Variants in EEPD1 observed in about 807,000 individuals in gnomAD.
The protein encoded by EEPD1 is endonuclease/exonuclease/phosphatase family domain-containing protein 1.
In EEPD1, 17 loss-of-function variants were observed where a neutral mutation model predicts 46.3. The ratio of observed to expected loss-of-function variants is 0.37; its 90% CI spans 0.25 to 0.55. EEPD1 has a LOEUF of 0.55. EEPD1 is among the 20% of genes least tolerant of loss of function. The pLI is 0.83. For missense variants in EEPD1, 673 were observed against 745.6 expected (o/e 0.90, Z 1.13); for synonymous variants, 313 against 315.6 (o/e 0.99, Z 0.09).
intron 2 of EEPD1, among the ~76,000 whole-genome samples, chr7:36,159,725 T>C (rs1246032961): frequency 1.3e-5 from 2 of 152,230 alleles, no homozygotes. Context: ...GTGTCAGGCC[T>C]CTGGGGGCCT....
At chr7:36,259,226 C>G (rs1786875382) in intron 3 of EEPD1, among the ~76,000 whole-genome samples, 1 of 152,186 alleles carries the variant, frequency 6.6e-6, no homozygotes, top group African/African-American at 2.4e-5. Context: ...GTTGGAAATG[C>G]AGAAATCACT....
intron 2 of EEPD1, among the ~76,000 whole-genome samples, chr7:36,181,280 T>A (rs1489302239): frequency 6.6e-6 from 1 of 152,084 alleles, no homozygotes; most frequent in Non-Finnish European, 1.5e-5. Context: ...TCTGTTCCCT[T>A]TCACACTCGG....
chr7:36,197,106 A>G (rs6462661), intron 2 of EEPD1, among the ~76,000 whole-genome samples: 129,623 of 136,106 alleles, frequency 0.95, 61,843 homozygotes, highest in Non-Finnish European at 0.99. Context: ...CGGCCGCCCC[A>G]TCTGAGAAGT....
At chr7:36,259,289 G>A (rs1583469533) in intron 3 of EEPD1, among the ~76,000 whole-genome samples, 1 of 152,188 alleles carries the variant, frequency 6.6e-6, no homozygotes, top group East Asian at 1.9e-4. Context: ...GTTCCTATAT[G>A]GCCATCTTGC....
At chr7:36,180,212 C>T (rs377678453) in intron 2 of EEPD1, among the ~76,000 whole-genome samples, 13 of 152,284 alleles carry the variant, frequency 8.5e-5, no homozygotes, top group Admixed American at 3.3e-4. Context: ...GAAAGCGATG[C>T]GGGGGAAAGG....
intron 2 of EEPD1, among the ~76,000 whole-genome samples, chr7:36,161,717 C>T (rs1784903162): frequency 6.6e-6 from 1 of 152,036 alleles, no homozygotes; most frequent in African/African-American, 2.4e-5. Context: ...AAATGACCTT[C>T]CCCAGCCTGG....
At chr7:36,290,914 C>A (rs142987900) in intron 6 of EEPD1, among the ~76,000 whole-genome samples, 1 of 152,196 alleles carries the variant, frequency 6.6e-6, no homozygotes, top group Non-Finnish European at 1.5e-5. Context: ...CAGGCTCCTG[C>A]GCATCTACCT....
At chr7:36,287,440 A>T (rs1403049271) in intron 5 of EEPD1, 199 bp from the exon 6 acceptor site, 1 of 715,820 alleles carries the variant, frequency 1.4e-6, no homozygotes, top group Non-Finnish European at 2.2e-6. Flanking sequence ...GGTAGAACAA[A>T]ATAGGCCTTG....
intron 2 of EEPD1, among the ~76,000 whole-genome samples, chr7:36,230,288 C>T (rs1750476706): frequency 6.6e-6 from 1 of 151,676 alleles, no homozygotes; most frequent in African/African-American, 2.4e-5. Flanking sequence ...CCATTCTCAA[C>T]ACCATGGCCA....
At chr7:36,177,536 C>T (rs190908737) in intron 2 of EEPD1, among the ~76,000 whole-genome samples, 15 of 152,222 alleles carry the variant, frequency 9.9e-5, no homozygotes, top group African/African-American at 3.4e-4. Flanking sequence ...TCTGTTCCTG[C>T]GTTAATTCAC....
intron 2 of EEPD1, among the ~76,000 whole-genome samples, chr7:36,182,354 A>G (rs1226431825): frequency 1.3e-5 from 2 of 152,264 alleles, no homozygotes; most frequent in African/African-American, 4.8e-5. Flanking sequence ...CGTAGACACC[A>G]AAGAGCCAAC....
intron 3 of EEPD1, among the ~76,000 whole-genome samples, chr7:36,244,550 G>A (rs886948289): frequency 2.0e-5 from 3 of 152,042 alleles, no homozygotes; most frequent in South Asian, 2.1e-4. Context: ...ATTTTTAGAC[G>A]TGCCAAGGTT....
intron 3 of EEPD1, among the ~76,000 whole-genome samples, chr7:36,270,874 C>T (rs563115246): frequency 8.5e-5 from 13 of 152,288 alleles, no homozygotes; most frequent in South Asian, 4.1e-4. Flanking sequence ...CTTGAGGAAT[C>T]GCCACACTGT....
chr7:36,165,241 A>G (rs1784963235), intron 2 of EEPD1, among the ~76,000 whole-genome samples: 1 of 152,050 alleles, frequency 6.6e-6, no homozygotes, highest in Non-Finnish European at 1.5e-5. Flanking sequence ...CTGTATTTGT[A>G]CTGTACTTCT....
chr7:36,265,022 T>C (rs2115837267), intron 3 of EEPD1, among the ~76,000 whole-genome samples: 2 of 152,326 alleles, frequency 1.3e-5, no homozygotes, highest in Middle Eastern at 6.8e-3. Flanking sequence ...AAATAAGTCA[T>C]GAATCAGTAG....
At chr7:36,172,016 A>G (rs73094203) in intron 2 of EEPD1, among the ~76,000 whole-genome samples, 34,491 of 152,252 alleles carry the variant, frequency 0.23, 4,494 homozygotes, top group East Asian at 0.54. Flanking sequence ...TTAAATATTT[A>G]TACATACAAT....
chr7:36,279,634 G>A (rs1467754872), intron 3 of EEPD1, among the ~76,000 whole-genome samples: 1 of 152,178 alleles, frequency 6.6e-6, no homozygotes, highest in African/African-American at 2.4e-5. Flanking sequence ...CTCACACACC[G>A]CCAGGATCTG....
chr7:36,217,449 G>A (rs1049138917), intron 2 of EEPD1, among the ~76,000 whole-genome samples: 1 of 152,220 alleles, frequency 6.6e-6, no homozygotes, highest in Non-Finnish European at 1.5e-5. Flanking sequence ...TTTTGGTAGG[G>A]TTGGGCCAGC....
chr7:36,212,075 T>G (rs1785945940), intron 2 of EEPD1, among the ~76,000 whole-genome samples: 1 of 152,206 alleles, frequency 6.6e-6, no homozygotes. Flanking sequence ...GGAAGGTCAT[T>G]TATATCTCAA....
Sources: gnomAD v4.1 joint callset for allele counts (sites outside exome capture counted in the v4.1 genomes callset) on GRCh38, gnomAD v4.1.1 for gene constraint, MANE v1.5 for transcripts, NCBI Gene and HGNC (gene_info 2026-07-23, HGNC 2026-07-21) for gene names.